The following CYTH3 variants were observed in gnomAD, a reference collection of about 807,000 sequenced individuals.
The protein encoded by CYTH3 is cytohesin-3.
In CYTH3, 23 loss-of-function variants were observed where a neutral mutation model predicts 55.1. The observed-to-expected ratio is 0.42, with a 90% CI of 0.30 to 0.59. The LOEUF (loss-of-function observed/expected upper bound fraction) is 0.59. CYTH3 is among the 20% of genes least tolerant of loss of function. The probability of loss-of-function intolerance (pLI) is 0.20; values close to 1 mark genes in which losing one functional copy is unlikely to be tolerated. For synonymous variants in CYTH3, 249 were observed against 194.9 expected (o/e 1.28, Z -2.31); for missense variants, 413 against 524.8 (o/e 0.79, Z 2.08).
chr7:6,215,924 C>T (rs1254328677), intron 1 of CYTH3, among the ~76,000 whole-genome samples: 1 of 152,140 alleles, frequency 6.6e-6, no homozygotes, highest in Non-Finnish European at 1.5e-5. Flanking sequence ...GAACTGTCAA[C>T]CCTGAATTCT....
intron 1 of CYTH3, among the ~76,000 whole-genome samples, chr7:6,252,570 GC>G (rs536730974): frequency 1.5e-3 from 223 of 151,994 alleles, no homozygotes; most frequent in Admixed American, 2.4e-3. Context: ...TCCTTTATTG[GC>G]TTTTCATACA....
intron 1 of CYTH3, among the ~76,000 whole-genome samples, chr7:6,222,565 T>C (rs780609383): frequency 6.6e-6 from 1 of 151,966 alleles, no homozygotes; most frequent in Non-Finnish European, 1.5e-5. Context: ...GTTAATACAG[T>C]GAAACCCCGT....
intron 5 of CYTH3, 42 bp downstream of exon 5, chr7:6,177,781 T>C (rs774844020): frequency 1.6e-5 from 24 of 1,478,328 alleles, no homozygotes; most frequent in Non-Finnish European, 1.3e-5. Context: ...GCTGCAGGGC[T>C]GAGTGGCCCC....
chr7:6,187,518 G>A (rs1338537690), intron 3 of CYTH3, 139 bp downstream of exon 3: 6 of 764,048 alleles, frequency 7.9e-6, no homozygotes, highest in African/African-American at 1.7e-5. Flanking sequence ...CGCAGAGTAG[G>A]GGGAGAGGAG....
At chr7:6,175,545 C>CTTTTTTTTTT (rs1177188782) in intron 5 of CYTH3, among the ~76,000 whole-genome samples, 8 of 89,008 alleles carry the variant, frequency 9.0e-5, no homozygotes, top group South Asian at 4.6e-4. Flanking sequence ...ACACTTTAGT[C>CTTTTTTTTTT]TTTTTTTTTT....
At chr7:6,196,892 C>T (rs1783948131) in intron 1 of CYTH3, among the ~76,000 whole-genome samples, 1 of 152,188 alleles carries the variant, frequency 6.6e-6, no homozygotes, top group Non-Finnish European at 1.5e-5. Flanking sequence ...AAAGAATTTT[C>T]TTCTGCTGAG....
rs768596669 is a variant in CYTH3, at chr7:6,165,725, C to G, written c.900+9G>C. 26 of 1,614,042 alleles carry G rather than the reference C, an allele frequency of 1.6e-5. No homozygotes were observed. The highest frequency in any genetic ancestry group is 2.1e-5 in the Non-Finnish European group (25 of 1,179,996). On this transcript the variant is annotated intron_variant, in intron 10 of 12. Coordinates refer to ENST00000350796, the MANE Select transcript of CYTH3 (RefSeq NM_004227.4). Reference sequence around the variant, plus strand: ...TGGGAGGCGGCAAGGAGGCCTGGCCCTTACTTACTGTTGTGTATTCAAAGT... The same window carrying G: ...TGGGAGGCGGCAAGGAGGCCTGGCCGTTACTTACTGTTGTGTATTCAAAGT...
At chr7:6,229,229 A>G (rs1319094340) in intron 1 of CYTH3, among the ~76,000 whole-genome samples, 1 of 152,244 alleles carries the variant, frequency 6.6e-6, no homozygotes, top group Non-Finnish European at 1.5e-5. Context: ...CTCTATAGCC[A>G]AAGAAAAACA....
At chr7:6,199,888 C>T (rs1204007654) in intron 1 of CYTH3, among the ~76,000 whole-genome samples, 1 of 152,128 alleles carries the variant, frequency 6.6e-6, no homozygotes, top group Non-Finnish European at 1.5e-5. Context: ...CTGCTTATCC[C>T]ACATGTGAAA....
intron 4 of CYTH3, among the ~76,000 whole-genome samples, chr7:6,184,408 A>G (rs1379227031): frequency 2.0e-5 from 3 of 151,976 alleles, no homozygotes; most frequent in Non-Finnish European, 4.4e-5. Context: ...GACAAGTGCT[A>G]TATTCAAGTC....
intron 1 of CYTH3, among the ~76,000 whole-genome samples, chr7:6,263,409 C>T (rs1297983003): frequency 6.6e-6 from 1 of 152,132 alleles, no homozygotes; most frequent in East Asian, 1.9e-4. Context: ...TAGAAATATA[C>T]TCTAGATAAA....
chr7:6,271,686 G>A (rs891934999), intron 1 of CYTH3, among the ~76,000 whole-genome samples: 1 of 152,140 alleles, frequency 6.6e-6, no homozygotes, highest in African/African-American at 2.4e-5. Context: ...TCCAGCAAGA[G>A]GAAACCGAAC....
At chr7:6,177,382 T>A (rs1783378901) in intron 5 of CYTH3, among the ~76,000 whole-genome samples, 1 of 152,252 alleles carries the variant, frequency 6.6e-6, no homozygotes, top group Non-Finnish European at 1.5e-5. Flanking sequence ...CCAGTCGCAG[T>A]CAGAAAGTAA....
At chr7:6,237,783 C>T (rs1365408817) in intron 1 of CYTH3, among the ~76,000 whole-genome samples, 1 of 152,136 alleles carries the variant, frequency 6.6e-6, no homozygotes, top group African/African-American at 2.4e-5. Flanking sequence ...GAAGGTTCCA[C>T]GTATATGTCC....
intron 1 of CYTH3, among the ~76,000 whole-genome samples, chr7:6,261,031 A>T (rs902904159): frequency 2.6e-5 from 4 of 152,204 alleles, no homozygotes; most frequent in African/African-American, 7.2e-5. Flanking sequence ...AGAACAACTT[A>T]AAAAACTGAA....
intron 6 of CYTH3, among the ~76,000 whole-genome samples, chr7:6,172,555 C>A (rs1319919869): frequency 2.0e-5 from 3 of 152,182 alleles, no homozygotes; most frequent in Non-Finnish European, 4.4e-5. Flanking sequence ...GGCCACAGGA[C>A]CTGCCTGTAT....
chr7:6,203,010 G>A (rs1003331604), intron 1 of CYTH3, among the ~76,000 whole-genome samples: 5 of 152,074 alleles, frequency 3.3e-5, no homozygotes, highest in Admixed American at 2.6e-4. Flanking sequence ...AGTTGGTACC[G>A]CTATAAGAAA....
chr7:6,245,115 G>A (rs1006599990), intron 1 of CYTH3, among the ~76,000 whole-genome samples: 5 of 151,284 alleles, frequency 3.3e-5, no homozygotes, highest in Non-Finnish European at 7.4e-5. Context: ...CACCGCGCCC[G>A]GCCTTCTAGT....
intron 4 of CYTH3, among the ~76,000 whole-genome samples, chr7:6,178,523 T>G (rs1260598688): frequency 6.6e-6 from 1 of 152,256 alleles, no homozygotes; most frequent in East Asian, 1.9e-4. Context: ...GAGCCAGCAC[T>G]GCTCTTCCTC....
Sources: gnomAD v4.1 joint callset for allele counts (sites outside exome capture counted in the v4.1 genomes callset) on GRCh38, gnomAD v4.1.1 for gene constraint, MANE v1.5 for transcripts, NCBI Gene and HGNC (gene_info 2026-07-23, HGNC 2026-07-21) for gene names.